Variants in STIL observed in about 807,000 individuals in gnomAD.
STIL encodes the protein SCL-interrupting locus protein.
In STIL, 55 loss-of-function variants were observed where a neutral mutation model predicts 110.1. The observed-to-expected ratio is 0.50, with a 90% CI of 0.40 to 0.63. The LOEUF is 0.63. Ranked by LOEUF, STIL falls within the 20% of genes least tolerant of loss-of-function variation. STIL has a pLI of 0.00. For synonymous variants in STIL, 481 were observed against 530.0 expected, an observed-to-expected ratio of 0.91 and a Z score of 1.27; for missense variants, 1,358 against 1,530.0, an observed-to-expected ratio of 0.89 and a Z score of 1.87.
chr1:47,268,572 C>T (rs4463720), intron 14 of STIL, among the ~76,000 whole-genome samples: 118,090 of 151,740 alleles, frequency 0.78, 46,607 homozygotes, highest in Middle Eastern at 0.87. Flanking sequence ...CTGGCCAACA[C>T]GGCGAAACCC....
intron 7 of STIL, 62 bp downstream of exon 7, chr1:47,295,703 T>G (rs560404890): frequency 8.9e-7 from 1 of 1,127,316 alleles, no homozygotes; most frequent in Non-Finnish European, 1.3e-6. Flanking sequence ...CTGAGTCACA[T>G]GCTTATCATA....
At position 47,280,578 on chromosome 1, in the gene STIL, C is replaced by A. The variant is rs758898548; in HGVS notation, c.1880G>T (p.Gly627Val). 2 of 1,614,122 alleles carry A rather than the reference C, an allele frequency of 1.2e-6. No individual in the cohort carries two copies. Among genetic ancestry groups the A allele is most frequent in the African/African-American group, 2.7e-5 (2 of 74,942 alleles). ...TTCAGACTGGACATCTTGAATGGAT[C>A]CAACTGTGTTTGCTCCTTGCCAAGA... ...LNSWQGANTV[G>V]SIQDVQSEAL... The change falls in exon 12 of 17, where the codon GGA becomes GTA. Residue 627 changes from glycine to valine, a missense_variant. Physicochemically the swap from Gly to Val is moderately radical, Grantham distance 109 (BLOSUM62 -3). Coordinates refer to ENST00000371877, the MANE Select transcript of STIL (RefSeq NM_001048166.1).
intron 12 of STIL, among the ~76,000 whole-genome samples, chr1:47,278,347 G>A (rs1408114020): frequency 6.6e-6 from 1 of 151,802 alleles, no homozygotes; most frequent in African/African-American, 2.4e-5. Context: ...TTTAAAAAGT[G>A]GTACCTAAAA....
chr1:47,275,443 C>T (rs908495414), intron 12 of STIL, among the ~76,000 whole-genome samples: 2 of 151,680 alleles, frequency 1.3e-5, no homozygotes, highest in African/African-American at 4.8e-5. Flanking sequence ...CCCGTCTCTA[C>T]TAAAAATACA....
Position 47,301,703 on chromosome 1 carries a change from C to T in STIL, c.311G>A (p.Arg104Gln), listed in dbSNP as rs143587840. 51 of 1,614,032 alleles carry T rather than the reference C, an allele frequency of 3.2e-5. No homozygotes were observed. The South Asian group carries it at 3.4e-4, about 11-fold the overall frequency. The change falls in exon 5 of 17, where the codon CGA becomes CAA. Residue 104 changes from arginine to glutamine, a missense_variant. By Grantham distance (43) the Arg-to-Gln change is conservative. Transcript: ENST00000371877. ...TLTVDRFDPG[R>Q]EVPECLEITP... ...TATTTCTAGGCATTCAGGTACTTCT[C>T]GACCAGGATCAAAGCGATCTACTGT...
At chr1:47,308,360 A>C (rs1301281891) in intron 2 of STIL, among the ~76,000 whole-genome samples, 1 of 151,870 alleles carries the variant, frequency 6.6e-6, no homozygotes, top group Non-Finnish European at 1.5e-5. Flanking sequence ...AACCTACGTG[A>C]TTATCGGGGC....
At chr1:47,306,026 C>A (rs970152742) in intron 2 of STIL, among the ~76,000 whole-genome samples, 1 of 151,716 alleles carries the variant, frequency 6.6e-6, no homozygotes, top group African/African-American at 2.4e-5. Flanking sequence ...CCACCGCGCC[C>A]GGCCCAAAAA....
intron 4 of STIL, among the ~76,000 whole-genome samples, 162 bp from the exon 5 acceptor site, chr1:47,301,910 G>A (rs781593645): frequency 3.9e-5 from 6 of 152,060 alleles, no homozygotes; most frequent in East Asian, 1.9e-4. Context: ...TCTTATAAGC[G>A]TATACTAAAG....
At position 47,310,390 on chromosome 1, in the gene STIL, T is replaced by C. The variant is rs575011761; in HGVS notation, c.-43-28A>G. On this transcript the variant is annotated intron_variant, in intron 1 of 16. Coordinates refer to ENST00000371877, the MANE Select transcript of STIL (RefSeq NM_001048166.1). Reference sequence around the variant, plus strand: ...AAAGAATTAAAGAGAATATTACTAATGAATGATAAAAACAAAGAAGAAAAA... The same window carrying C: ...AAAGAATTAAAGAGAATATTACTAACGAATGATAAAAACAAAGAAGAAAAA... 194 of 1,396,980 alleles carry C rather than the reference T, an allele frequency of 1.4e-4. No homozygotes were observed. In the African/African-American group the frequency reaches 2.5e-3, roughly 18 times the overall value. The allele number at this position is 1,396,980 out of a possible 1,614,324, so 86.5% of individuals were successfully genotyped here. A position where few individuals can be genotyped will look rare whatever the true frequency, so the allele number is the denominator to read the frequency against.
intron 9 of STIL, among the ~76,000 whole-genome samples, chr1:47,288,608 T>C (rs1645377375): frequency 6.6e-6 from 1 of 152,006 alleles, no homozygotes; most frequent in Admixed American, 6.6e-5. Flanking sequence ...AAAGATCTAC[T>C]TTTTCTATGA....
chr1:47,263,461 T>TGCTTG, intron 14 of STIL, among the ~76,000 whole-genome samples: 2 of 152,202 alleles, frequency 1.3e-5, no homozygotes, highest in Non-Finnish European at 2.9e-5. Context: ...AGAGGATCAC[T>TGCTTG]TAGCCCAGGA....
chr1:47,281,378 G>C (rs946643932), intron 11 of STIL, among the ~76,000 whole-genome samples, 169 bp from the exon 12 acceptor site: 1 of 152,054 alleles, frequency 6.6e-6, no homozygotes, highest in Non-Finnish European at 1.5e-5. Context: ...TATGTGCTAA[G>C]CACTAGGAAT....
chr1:47,277,659 A>T (rs1292192831), intron 12 of STIL, among the ~76,000 whole-genome samples: 2 of 152,174 alleles, frequency 1.3e-5, no homozygotes, highest in East Asian at 3.8e-4. Flanking sequence ...GACTCCTGAG[A>T]ATTTTGCCTG....
rs958723725 is a variant in STIL, at chr1:47,260,373, G to A, written c.2996C>T (p.Thr999Ile). Residue 999 changes from threonine (T) to isoleucine (I), a missense_variant, in exon 16 of 17, where the codon ACT (threonine) becomes ATT (isoleucine). Physicochemically the swap from Thr to Ile is moderately conservative, Grantham distance 89. Coordinates refer to ENST00000371877, the MANE Select transcript of STIL (RefSeq NM_001048166.1). ...TCCAAGGCTTCTTAGTTGCTTAAGA[G>A]TTGCATTAAGGACACAATCTTTGTC... ...LVDKDCVLNA[T>I]LKQLRSLGVK... 1.2e-6 allele frequency: 2 copies of A among 1,614,158 alleles called. No homozygotes were observed. The highest frequency in any genetic ancestry group is 8.5e-7 in the Non-Finnish European group (1 of 1,180,010).
intron 2 of STIL, among the ~76,000 whole-genome samples, chr1:47,309,092 T>C (rs1334606023): frequency 6.6e-6 from 1 of 151,846 alleles, no homozygotes; most frequent in African/African-American, 2.4e-5. Flanking sequence ...AGTGTACAGT[T>C]GGATTGTCTC....
chr1:47,266,124 A>G (rs1644647688), intron 14 of STIL, among the ~76,000 whole-genome samples: 1 of 152,172 alleles, frequency 6.6e-6, no homozygotes, highest in Non-Finnish European at 1.5e-5. Context: ...TCAATCTAAC[A>G]TACACAAAAG....
rs546074291 is a variant in STIL, at chr1:47,288,405, T to G, written c.1024-745A>C. ...TCTACCTCCCAGGTTCAAGTGATTCTCCTGCCTCAGTCTCCCAAGTAGCTA... is the reference window on the plus strand; with the variant it reads ...TCTACCTCCCAGGTTCAAGTGATTCGCCTGCCTCAGTCTCCCAAGTAGCTA... On this transcript the variant is annotated intron_variant, in intron 9 of 16. Transcript: ENST00000371877. 1.8e-4 allele frequency among the ~76,000 whole-genome samples: 28 copies of G among 152,152 alleles called. No homozygotes were observed. In the East Asian group the frequency reaches 5.2e-3, roughly 28 times the overall value.
At chr1:47,259,635 T>A (rs1352169071) in intron 16 of STIL, among the ~76,000 whole-genome samples, 1 of 152,190 alleles carries the variant, frequency 6.6e-6, no homozygotes, top group Non-Finnish European at 1.5e-5. Flanking sequence ...TGGGGAGTTG[T>A]GGCTTTTGCA....
At chr1:47,259,255 G>A (rs1186608698) in intron 16 of STIL, among the ~76,000 whole-genome samples, 1 of 146,624 alleles carries the variant, frequency 6.8e-6, no homozygotes, top group East Asian at 2.0e-4. Context: ...CAAAGTGCTG[G>A]GATTACAGGT....
Sources: allele counts gnomAD v4.1 joint callset (sites outside exome capture counted in the v4.1 genomes callset), GRCh38; gene constraint gnomAD v4.1.1; transcripts MANE v1.5; gene names NCBI Gene and HGNC (gene_info 2026-07-23, HGNC 2026-07-21).